PRKCE: variants seen among roughly 807,000 people sequenced by gnomAD.
PRKCE encodes protein kinase C epsilon.
A neutral mutation model predicts 85.4 loss-of-function variants in PRKCE; 16 were observed. The ratio of observed to expected loss-of-function variants is 0.19; its 90% CI spans 0.13 to 0.28. The LOEUF is 0.28. Among genes scored for constraint, PRKCE ranks in the 10% least tolerant of loss-of-function variants. PRKCE has a pLI of 1.00. For missense variants in PRKCE, 573 were observed against 975.2 expected (o/e 0.59, Z 5.49); for synonymous variants, 388 against 371.5 (o/e 1.04, Z -0.51).
chr2:46,093,931 T>C (rs1034567763), intron 11 of PRKCE, among the ~76,000 whole-genome samples: 2 of 152,206 alleles, frequency 1.3e-5, no homozygotes, highest in African/African-American at 4.8e-5. Flanking sequence ...TTATGTGGTA[T>C]GCTATAGTTA....
In PRKCE at chr2:46,037,150, A is replaced by G. The variant is rs532047852; in HGVS notation, c.1437+26633A>G. 4.1e-3 allele frequency among the ~76,000 whole-genome samples: 620 copies of G among 152,298 alleles called. 2 individuals are homozygous for G. Among genetic ancestry groups the G allele is most frequent in the Non-Finnish European group, 6.2e-3 (423 of 68,000 alleles). On this transcript the variant is annotated intron_variant, in intron 10 of 14. Transcript: ENST00000306156. ...ACTCTGCCAGGGCCCCCTCCCAGCC[A>G]CAGACACCCTCCCCAGACATAAGTC...
chr2:46,015,423 C>T (rs531682530), intron 10 of PRKCE, among the ~76,000 whole-genome samples: 128 of 152,250 alleles, frequency 8.4e-4, no homozygotes, highest in Middle Eastern at 6.8e-3. Flanking sequence ...TTTGGCATTT[C>T]CTGCCAGGCC....
At chr2:46,111,106 G>A (rs1672210650) in intron 11 of PRKCE, among the ~76,000 whole-genome samples, 1 of 152,114 alleles carries the variant, frequency 6.6e-6, no homozygotes. Context: ...TGGTCTGGAT[G>A]TGATCTATCT....
chr2:45,909,187 G>T (rs547811013), intron 2 of PRKCE, among the ~76,000 whole-genome samples: 2 of 152,140 alleles, frequency 1.3e-5, no homozygotes, highest in African/African-American at 4.8e-5. Context: ...AGATTATATT[G>T]TCTCACAAAG....
rs1046314882 is a variant in PRKCE at position 46,041,861 on chromosome 2, C to G, written c.1437+31344C>G. Among the ~76,000 whole-genome samples the G allele has an allele frequency of 6.6e-6, 1 of 152,184 alleles. No homozygotes were observed. The highest frequency in any genetic ancestry group is 2.4e-5 in the African/African-American group (1 of 41,438). Reference sequence around the variant, plus strand: ...AAAACCAGCCTCCATGTTAACATGTCGGCTTGAATACTCTTATTTTCCACA... The same window carrying G: ...AAAACCAGCCTCCATGTTAACATGTGGGCTTGAATACTCTTATTTTCCACA... On this transcript the variant is annotated intron_variant, in intron 10 of 14. Coordinates refer to ENST00000306156, the MANE Select transcript of PRKCE (RefSeq NM_005400.3). The surrounding 1 kb of genome is among the most constrained non-coding windows in gnomAD (Gnocchi z 5.5).
At chr2:45,723,139 TTC>T (rs1226453113) in intron 1 of PRKCE, among the ~76,000 whole-genome samples, 4 of 152,188 alleles carry the variant, frequency 2.6e-5, no homozygotes. Flanking sequence ...AGTGTATTTG[TTC>T]TCTGTTTGCT....
chr2:45,719,743 C>G (rs1020532084), intron 1 of PRKCE, among the ~76,000 whole-genome samples: 5 of 152,090 alleles, frequency 3.3e-5, no homozygotes, highest in Non-Finnish European at 5.9e-5. Context: ...AATCATAACC[C>G]TCCTCCCCAC....
intron 1 of PRKCE, among the ~76,000 whole-genome samples, chr2:45,731,860 C>T (rs1681608201): frequency 6.6e-6 from 1 of 152,000 alleles, no homozygotes; most frequent in Admixed American, 6.6e-5. Context: ...TCAAGGTATC[C>T]TCCCAAAGTG....
At chr2:46,111,677 C>T (rs536011851) in intron 11 of PRKCE, among the ~76,000 whole-genome samples, 38 of 152,192 alleles carry the variant, frequency 2.5e-4, no homozygotes, top group Non-Finnish European at 5.0e-4. Flanking sequence ...CTTCTTTTAT[C>T]ACTGAATGAT....
At chr2:46,135,921 T>G (rs1003150393) in intron 11 of PRKCE, among the ~76,000 whole-genome samples, 1 of 151,464 alleles carries the variant, frequency 6.6e-6, no homozygotes, top group Non-Finnish European at 1.5e-5. Context: ...TTTGCCACAA[T>G]GTTGATCTGG....
rs1312005988 is a variant in PRKCE at position 46,186,023 on chromosome 2, A to G, written c.*1142A>G. The stretch of plus-strand genomic sequence containing the variant: ...GAATGAGGCTAAACATGGGTTATAC[A>G]AAGGGTATCTGGAAACTGAAGAGCA... On this transcript the variant is annotated 3_prime_UTR_variant, in exon 15 of 15. Coordinates refer to ENST00000306156, the MANE Select transcript of PRKCE (RefSeq NM_005400.3). The G allele has an allele frequency of 6.6e-6, 1 of 152,668 alleles. No individual in the cohort carries two copies. Among genetic ancestry groups the G allele is most frequent in the Non-Finnish European group, 1.5e-5 (1 of 68,042 alleles). 9.5% of individuals were successfully genotyped at this position (152,668 alleles called of 1,614,324 possible).
intron 1 of PRKCE, among the ~76,000 whole-genome samples, chr2:45,752,031 A>G (rs1220474300): frequency 6.7e-6 from 1 of 149,696 alleles, no homozygotes; most frequent in African/African-American, 2.5e-5. Context: ...TTTAGCCGGG[A>G]TGGTCTCGAT....
intron 1 of PRKCE, among the ~76,000 whole-genome samples, chr2:45,805,887 C>A (rs763029475): frequency 3.0e-4 from 45 of 152,350 alleles, no homozygotes; most frequent in African/African-American, 1.1e-3. Flanking sequence ...GCGTGAGCCA[C>A]CGCACCCAGC....
Position 45,936,917 on chromosome 2 carries a change from A to G in PRKCE, c.413-39512A>G, listed in dbSNP as rs116090106. On this transcript the variant is annotated intron_variant, in intron 2 of 14. Transcript: ENST00000306156. ...CCTGTCCCTCTTGTACTTTCAGGCT[A>G]TAATCAATCAGCAGGCACACCTGTT... is the stretch of plus-strand genomic sequence containing the variant. Among the ~76,000 whole-genome samples, 276 of 152,314 alleles carry G rather than the reference A, an allele frequency of 1.8e-3. 4 individuals carry two copies. The highest frequency in any genetic ancestry group is 6.5e-3 in the African/African-American group (270 of 41,574).
intron 2 of PRKCE, among the ~76,000 whole-genome samples, chr2:45,896,843 G>A (rs72801101): frequency 0.039 from 5,881 of 152,204 alleles, 133 homozygotes; most frequent in Middle Eastern, 0.1. Flanking sequence ...CAATGCTTTG[G>A]GAGGCTGAGA....
intron 1 of PRKCE, among the ~76,000 whole-genome samples, chr2:45,787,321 TA>T (rs1480097709): frequency 6.6e-6 from 1 of 151,908 alleles, no homozygotes; most frequent in Non-Finnish European, 1.5e-5. Context: ...CCTAGTAGGA[TA>T]AAATGTGATG....
chr2:46,122,519 C>T (rs550389260), intron 11 of PRKCE, among the ~76,000 whole-genome samples: 1 of 152,322 alleles, frequency 6.6e-6, no homozygotes, highest in South Asian at 2.1e-4. Context: ...TGAGTCACTG[C>T]ACCCAGCCCA....
chr2:46,184,823 A>G lies in PRKCE; in HGVS notation c.2156A>G (p.Gln719Arg). Residue 719 changes from glutamine to arginine, a missense_variant, in exon 15 of 15, where the codon CAG (glutamine) becomes CGG (arginine). Around this residue, in one of 11 missense-constraint regions of PRKCE, gnomAD observed 45 missense variants for 39.1 expected, o/e 1.15. Transcript: ENST00000306156. This position sits in a 1 kb window ranked among gnomAD's most constrained non-coding sequence, Gnocchi z 5.0. ...LTLVDEAIVK[Q>R]INQEEFKGFS... The stretch of plus-strand genomic sequence containing the variant: ...CTTGTGGACGAAGCAATTGTAAAGC[A>G]GATCAACCAGGAGGAATTCAAAGGT... 1 of 1,599,800 alleles carries G rather than the reference A, an allele frequency of 6.3e-7. No individual in the cohort carries two copies. The highest frequency in any genetic ancestry group is 8.5e-7 in the Non-Finnish European group (1 of 1,179,954).
chr2:45,980,952 A>G (rs1246752485), intron 5 of PRKCE, among the ~76,000 whole-genome samples: 1 of 152,220 alleles, frequency 6.6e-6, no homozygotes, highest in Non-Finnish European at 1.5e-5. Context: ...TTTACAACAG[A>G]ATAGAAGCAC....
Sources: gnomAD v4.1 joint callset for allele counts (sites outside exome capture counted in the v4.1 genomes callset) on GRCh38, gnomAD v4.1.1 for gene constraint, gnomAD v4.1.1 regional missense constraint, Gnocchi (gnomAD v3.1) non-coding constraint, MANE v1.5 for transcripts, NCBI Gene and HGNC (gene_info 2026-07-23, HGNC 2026-07-21) for gene names.